Variants in FLII observed in about 807,000 individuals in gnomAD.
FLII encodes protein flightless-1 homolog.
Under a neutral mutation model 156.2 loss-of-function variants are expected in FLII, and 101 were observed. That is an observed-to-expected ratio of 0.65 (90% CI 0.55 to 0.76). FLII has a LOEUF of 0.76. Ranked by LOEUF, FLII falls within the 30% of genes least tolerant of loss-of-function variation. The pLI, the probability that FLII is intolerant of heterozygous loss-of-function variation, is 0.00. For synonymous variants in FLII, 767 were observed against 685.8 expected (o/e 1.12, Z -1.85); for missense variants, 1,675 against 1,682.8 (o/e 1.00, Z 0.08).
chr17:18,250,240 G>A (rs375601418), intron 14 of FLII, among the ~76,000 whole-genome samples: 2 of 152,258 alleles, frequency 1.3e-5, no homozygotes, highest in African/African-American at 4.8e-5. Context: ...TTAGATGCAC[G>A]CATATCAGGG....
At chr17:18,254,291 G>A (rs2048352624) in intron 6 of FLII, 109 bp from the exon 7 acceptor site, 1 of 916,828 alleles carries the variant, frequency 1.1e-6, no homozygotes. Flanking sequence ...TAGGTGTGAG[G>A]TCACATCTGG....
intron 20 of FLII, 143 bp from the exon 21 acceptor site, chr17:18,247,500 G>C: frequency 1.9e-6 from 2 of 1,040,916 alleles, no homozygotes; most frequent in Non-Finnish European, 2.8e-6. Context: ...GTAGGAATAG[G>C]AGGGGCAGCT....
At position 18,248,036 on chromosome 17, in the gene FLII, G is replaced by A; in HGVS notation, c.2191-3C>T. 2 of 1,606,692 alleles carry A rather than the reference G, an allele frequency of 1.2e-6. No homozygotes were observed. Among genetic ancestry groups the A allele is most frequent in the Non-Finnish European group, 1.7e-6 (2 of 1,174,164 alleles). On this transcript the variant is annotated splice_region_variant and splice_polypyrimidine_tract_variant and intron_variant, in intron 18 of 29. Transcript: ENST00000327031. ...AGGTAGCCCAAGCCCAGGCCCACCT[G>A]GCAGGAAGGATGAGCATGGCAGGGA...
chr17:18,245,934 C>G lies in FLII; in HGVS notation c.3396G>C (p.Gln1132His). The change falls in exon 26 of 30, where the codon CAG becomes CAC. Residue 1132 changes from glutamine (Q) to histidine (H), a missense_variant and splice_region_variant. Physicochemically the swap from Gln to His is conservative, Grantham distance 24 (BLOSUM62 0). Coordinates refer to ENST00000327031, the MANE Select transcript of FLII (RefSeq NM_002018.4). ...NTMFDTSYSKQVINEGEEPEN... is the reference protein window; with the variant it reads ...NTMFDTSYSKHVINEGEEPEN... ...CCCGCCTGCCCGCCCGCCTCCTGACCTGCTTGCTGTAGGAGGTGTCAAACA... is the reference window on the plus strand; with the variant it reads ...CCCGCCTGCCCGCCCGCCTCCTGACGTGCTTGCTGTAGGAGGTGTCAAACA... 1 of 1,614,110 alleles carries G rather than the reference C, an allele frequency of 6.2e-7. No individual in the cohort carries two copies. Among genetic ancestry groups the G allele is most frequent in the Non-Finnish European group, 8.5e-7 (1 of 1,179,998 alleles).
At chr17:18,257,620 C>T (rs903395822) in intron 1 of FLII, among the ~76,000 whole-genome samples, 1 of 152,242 alleles carries the variant, frequency 6.6e-6, no homozygotes, top group African/African-American at 2.4e-5. Context: ...TATTCCTTTC[C>T]CCCTAGCGCC....
chr17:18,258,327 G>A lies in FLII; in HGVS notation c.63+301C>T. ...GCGGGGAGGCTCGCCCGATCCCCAG[G>A]CCACCATCCAGCCTAGACCGAGAAC... On this transcript the variant is annotated intron_variant, in intron 1 of 29. Transcript: ENST00000327031. This position sits in a 1 kb window ranked among gnomAD's most constrained non-coding sequence, Gnocchi z 4.2. 1 of 610,646 alleles carries A rather than the reference G, an allele frequency of 1.6e-6. No homozygotes were observed. Among genetic ancestry groups the A allele is most frequent in the South Asian group, 2.3e-5 (1 of 43,264 alleles). The allele number at this position is 610,646 out of a possible 1,614,324, so 37.8% of individuals were successfully genotyped here. A position where few individuals can be genotyped will look rare whatever the true frequency, so the allele number is the denominator to read the frequency against.
rs1415942843 is a variant in FLII at position 18,247,683 on chromosome 17, G to T, written c.2461C>A (p.Arg821Ser). The T allele has an allele frequency of 6.3e-7, 1 of 1,597,510 alleles. No homozygotes were observed. The highest frequency in any genetic ancestry group is 1.7e-5 in the Admixed American group (1 of 59,446). Residue 821 changes from arginine to serine, a missense_variant, in exon 20 of 30, where the codon CGC becomes AGC. Around this residue, in one of 2 missense-constraint regions of FLII, gnomAD observed 1,332 missense variants for 1,269.3 expected, o/e 1.05. Transcript: ENST00000327031. The stretch of plus-strand genomic sequence containing the variant: ...TGCGCCTCGGTGCCCTCGAGGCTGC[G>T]GCTGACCGTGGCATGGCGTGGCCGG... Reference protein sequence around the residue: ...LHRPRHATVSRSLEGTEAQVF... With the variant: ...LHRPRHATVSSSLEGTEAQVF...
Position 18,254,067 on chromosome 17 carries a change from G to A in FLII, c.679+12C>T. On this transcript the variant is annotated intron_variant, in intron 7 of 29. Coordinates refer to ENST00000327031, the MANE Select transcript of FLII (RefSeq NM_002018.4). ...GGGCCCGAGCTCAGAGGGGCTCCTG[G>A]GGCTGCCTGACCTGCGAGGTTGCTC... 6.3e-7 allele frequency: 1 copy of A among 1,599,828 alleles called. No homozygotes were observed. The highest frequency in any genetic ancestry group is 8.5e-7 in the Non-Finnish European group (1 of 1,170,964).
intron 16 of FLII, 120 bp from the exon 17 acceptor site, chr17:18,249,003 C>T: frequency 2.9e-6 from 4 of 1,372,948 alleles, no homozygotes; most frequent in Non-Finnish European, 3.1e-6. Flanking sequence ...CCCAGGGACC[C>T]CCCGCCAAGC....
intron 6 of FLII, 83 bp downstream of exon 6, chr17:18,254,438 G>C (rs1379635649): frequency 2.3e-5 from 32 of 1,394,828 alleles, no homozygotes; most frequent in African/African-American, 2.9e-5. Context: ...AAGGGAGAAG[G>C]GTTAGGGCCC....
Position 18,256,528 on chromosome 17 carries a change from G to A in FLII, c.244C>T (p.Arg82Cys), listed in dbSNP as rs369708627. The part of the protein sequence containing the change: ...HGELSSLPSL[R>C]AIVARANSLK... ...GTGGCCTCCCGGCCAGCACTCACGC[G>A]CAGCGATGGCAGGCTGGACAGCTCC... The change falls in exon 3 of 30, where the codon CGC becomes TGC. Residue 82 changes from arginine (R) to cysteine (C), a missense_variant and splice_region_variant. By Grantham distance (180) the Arg-to-Cys change is radical. Transcript: ENST00000327031. The A allele has an allele frequency of 1.4e-4, 217 of 1,551,162 alleles. No individual in the cohort carries two copies. The highest frequency in any genetic ancestry group is 2.2e-4 in the Admixed American group (11 of 50,986).
At position 18,245,344 on chromosome 17, in the gene FLII, C is replaced by A. The variant is rs556343793; in HGVS notation, c.3675+10G>T. ...CAGGCCCACCTCGGCCCTCCCTCCA[C>A]CCAGATTACCTGGCAGGCCTTCAGG... On this transcript the variant is annotated intron_variant, in intron 29 of 29. Transcript: ENST00000327031. 1 of 1,614,236 alleles carries A rather than the reference C, an allele frequency of 6.2e-7. No homozygotes were observed. The highest frequency in any genetic ancestry group is 1.3e-5 in the African/African-American group (1 of 75,080).
intron 21 of FLII, 35 bp downstream of exon 21, chr17:18,247,134 C>G (rs766660900): frequency 3.8e-4 from 311 of 819,344 alleles, no homozygotes; most frequent in Non-Finnish European, 4.8e-4. Flanking sequence ...CCCCCCACCC[C>G]CCCCCCCGCG....
rs542815509 is a variant in FLII, at chr17:18,248,558, G to A, written c.2182C>T (p.Leu728=). Residue 728 remains leucine, a synonymous_variant, in exon 18 of 30, where the codon CTG becomes TTG. Transcript: ENST00000327031. ...TCAGCAGCAGGGCTCACCTTGTACA[G>A]CTTGGGCTGCGGCGGCCAGAAGTCT... ...PEDFWPPQPK[L]YKVGLGLGYL... 5.0e-6 allele frequency: 8 copies of A among 1,609,456 alleles called. No individual in the cohort carries two copies. The South Asian group carries it at 6.6e-5, about 13-fold the overall frequency.
Position 18,251,424 on chromosome 17 carries a change from G to T in FLII, c.1437C>A (p.Gly479=). Residue 479 remains glycine (G), a synonymous_variant, in exon 13 of 30, where the codon GGC becomes GGA. Transcript: ENST00000327031. ...AGTAGTCAAGGCGGGGCTTCTCCAG[G>T]CCCTGGTCCCAACGCCGCACCTTCC... ...PSGKVRRWDQ[G]LEKPRLDYSE... 6.2e-7 allele frequency: 1 copy of T among 1,612,780 alleles called. No homozygotes were observed. The highest frequency in any genetic ancestry group is 8.5e-7 in the Non-Finnish European group (1 of 1,179,770).
In FLII at chr17:18,258,708, C is replaced by T. The variant is rs1262576293; in HGVS notation, c.-18G>A. ...GCCTCCATGGCGCCGCTCTCGCTGC[C>T]GGGCCGCGCCGGGCTAGGGAGCGCC... On this transcript the variant is annotated 5_prime_UTR_variant, in exon 1 of 30. Transcript: ENST00000327031. This position sits in a 1 kb window ranked among gnomAD's most constrained non-coding sequence, Gnocchi z 4.2. 2.8e-6 allele frequency: 4 copies of T among 1,454,504 alleles called. No homozygotes were observed. The highest frequency in any genetic ancestry group is 3.6e-6 in the Non-Finnish European group (4 of 1,108,734). 90.1% of individuals were successfully genotyped at this position (1,454,504 alleles called of 1,614,324 possible).
At chr17:18,245,718 G>C (rs1414505442) in intron 27 of FLII, 26 bp downstream of exon 27, 5 of 1,611,780 alleles carry the variant, frequency 3.1e-6, no homozygotes, top group Non-Finnish European at 4.2e-6. Flanking sequence ...CCAGGACTGA[G>C]GGGAGGGTCA....
intron 1 of FLII, chr17:18,257,268 GA>G (rs2048448461): frequency 2.1e-6 from 1 of 483,268 alleles, no homozygotes. Context: ...GGAGGGCCAG[GA>G]CAAAACTGGC....
At position 18,247,927 on chromosome 17, in the gene FLII, AC is replaced by A; in HGVS notation, c.2295+1del. On this transcript the variant is annotated splice_donor_variant, in intron 19 of 29. Transcript: ENST00000327031. LOFTEE classifies it high-confidence loss of function. ...CCCACGCCCTCCTCCTGCATCTCTTACCAGCCGCATTCTTGGCATCAGCTCC... is the reference window on the plus strand; with the variant it reads ...CCCACGCCCTCCTCCTGCATCTCTTACAGCCGCATTCTTGGCATCAGCTCC... 2.5e-6 allele frequency: 4 copies of A among 1,613,806 alleles called. No homozygotes were observed. Among genetic ancestry groups the A allele is most frequent in the Non-Finnish European group, 3.4e-6 (4 of 1,179,768 alleles).
Sources: allele counts gnomAD v4.1 joint callset (sites outside exome capture counted in the v4.1 genomes callset), GRCh38; gene constraint gnomAD v4.1.1; regional missense constraint gnomAD v4.1.1; non-coding constraint Gnocchi (gnomAD v3.1); transcripts MANE v1.5; gene names NCBI Gene and HGNC (gene_info 2026-07-23, HGNC 2026-07-21).